Variants in AHNAK observed in about 807,000 individuals in gnomAD.
AHNAK encodes the protein neuroblast differentiation-associated protein AHNAK.
AHNAK carries 23 observed loss-of-function variants against 37.8 expected under a neutral mutation model. The observed-to-expected ratio is 0.61, with a 90% CI of 0.44 to 0.86. The LOEUF (loss-of-function observed/expected upper bound fraction) is 0.86, where lower values mean the gene tolerates loss of function less well. AHNAK is among the 40% of genes least tolerant of loss of function. AHNAK has a pLI of 0.00. For missense variants in AHNAK, 7,411 were observed against 7,319.4 expected (o/e 1.01, Z -0.46); for synonymous variants, 2,481 against 2,636.3 (o/e 0.94, Z 1.80).
intron 4 of AHNAK, among the ~76,000 whole-genome samples, chr11:62,493,183 T>C (rs1939535197): frequency 6.8e-6 from 1 of 146,928 alleles, no homozygotes; most frequent in Non-Finnish European, 1.5e-5. Flanking sequence ...CAGCTAATTT[T>C]TAGTATTTTT....
chr11:62,522,215 A>G lies in AHNAK; in HGVS notation c.12202T>C (p.Phe4068Leu), dbSNP rs1320170542. 3.1e-6 allele frequency: 5 copies of G among 1,610,426 alleles called. No individual in the cohort carries two copies. The South Asian group carries it at 5.5e-5, about 18-fold the overall frequency. The change falls in exon 5 of 5, where the codon TTC becomes CTC. Residue 4068 changes from phenylalanine to leucine, a missense_variant. By Grantham distance (22) the Phe-to-Leu change is conservative. Transcript: ENST00000378024. ...TCTCCTTTAAATCCTGGCATGCTGA[A>G]TTTGGGCATTTTCACCTTGGGCATC... is the stretch of plus-strand genomic sequence containing the variant. ...LKMPKVKMPK[F>L]SMPGFKGEGP... is the part of the protein sequence containing the mutation.
chr11:62,516,029 T>C lies in AHNAK; in HGVS notation c.*715A>G. The C allele has an allele frequency of 8.5e-7, 1 of 1,180,448 alleles. No homozygotes were observed. The highest frequency in any genetic ancestry group is 1.6e-5 in the South Asian group (1 of 61,916). 73.1% of individuals were successfully genotyped at this position (1,180,448 alleles called of 1,614,324 possible). A position where few individuals can be genotyped will look rare whatever the true frequency, so the allele number is the denominator to read the frequency against. On this transcript the variant is annotated 3_prime_UTR_variant, in exon 5 of 5. Transcript: ENST00000378024. ...ACATTTGTTAAAAAGAAATCAGAAC[T>C]AATATCAGGAACATGGCGGCATGAA...
At chr11:62,538,688 A>G (rs1307627573) in intron 1 of AHNAK, among the ~76,000 whole-genome samples, 1 of 152,254 alleles carries the variant, frequency 6.6e-6, no homozygotes, top group African/African-American at 2.4e-5. Flanking sequence ...GTGACCTCAC[A>G]TCACTCACGC....
intron 5 of AHNAK, among the ~76,000 whole-genome samples, chr11:62,483,057 GAAGCAC>G (rs1939307905): frequency 6.6e-6 from 1 of 152,202 alleles, no homozygotes; most frequent in Non-Finnish European, 1.5e-5. Context: ...TTCACACCAA[GAAGCAC>G]TGCCTGGAGA....
chr11:62,539,618 C>A (rs183882780), intron 1 of AHNAK, among the ~76,000 whole-genome samples: 197 of 152,360 alleles, frequency 1.3e-3, no homozygotes, highest in Non-Finnish European at 2.4e-3. Context: ...CAGGCAGAGT[C>A]CCAGGGCAGA....
chr11:62,489,446 G>A (rs758453648), intron 5 of AHNAK, among the ~76,000 whole-genome samples: 1 of 152,174 alleles, frequency 6.6e-6, no homozygotes, highest in East Asian at 1.9e-4. Context: ...TCAAGGAGGG[G>A]AGTAACATGA....
At chr11:62,541,636 G>GCTCTGAT (rs1172366304) in intron 1 of AHNAK, among the ~76,000 whole-genome samples, 1 of 152,194 alleles carries the variant, frequency 6.6e-6, no homozygotes, top group African/African-American at 2.4e-5. Flanking sequence ...TCTGCAGAGC[G>GCTCTGAT]CTCTGATGTG....
intron 5 of AHNAK, among the ~76,000 whole-genome samples, chr11:62,448,815 A>G (rs1035913450): frequency 1.3e-5 from 2 of 152,336 alleles, no homozygotes; most frequent in African/African-American, 4.8e-5. Context: ...CACGCCTATA[A>G]TCCCAGCACT....
At chr11:62,502,426 A>G (rs1327590930) in intron 4 of AHNAK, among the ~76,000 whole-genome samples, 1 of 152,220 alleles carries the variant, frequency 6.6e-6, no homozygotes, top group African/African-American at 2.4e-5. Context: ...TCAAGAAACT[A>G]AACAGTAATT....
chr11:62,462,340 TG>T (rs1938810980), intron 5 of AHNAK, among the ~76,000 whole-genome samples: 1 of 152,066 alleles, frequency 6.6e-6, no homozygotes, highest in Non-Finnish European at 1.5e-5. Context: ...CCACACCCAG[TG>T]GATCAGCAGT....
intron 2 of AHNAK, 164 bp from the exon 3 acceptor site, chr11:62,536,262 G>A: frequency 1.5e-6 from 1 of 646,470 alleles, no homozygotes. Context: ...TGTTGGGGGT[G>A]GGGTAATTCG....
In AHNAK at chr11:62,525,799, C is replaced by A. The variant is rs756258631; in HGVS notation, c.8618G>T (p.Gly2873Val). 3 of 1,613,636 alleles carry A rather than the reference C, an allele frequency of 1.9e-6. No individual in the cohort carries two copies. Among genetic ancestry groups the A allele is most frequent in the African/African-American group, 2.7e-5 (2 of 74,774 alleles). ...DLKGPEVDLK[G>V]PKVDIDVPDV... ...TGGGACATCAATGTCCACTTTGGGG[C>A]CTTTGAGGTCAACTTCAGGACCTTT... is the stretch of plus-strand genomic sequence containing the variant. The change falls in exon 5 of 5, where the codon GGC (glycine) becomes GTC (valine). Residue 2873 changes from glycine (G) to valine (V), a missense_variant. Transcript: ENST00000378024.
chr11:62,443,561 C>A (rs193195297), intron 5 of AHNAK, among the ~76,000 whole-genome samples: 4 of 152,076 alleles, frequency 2.6e-5, no homozygotes, highest in Non-Finnish European at 4.4e-5. Context: ...CTTGAGCCAC[C>A]GCGCCCGGCT....
chr11:62,451,142 A>G (rs1308137421), intron 5 of AHNAK, among the ~76,000 whole-genome samples: 1 of 149,942 alleles, frequency 6.7e-6, no homozygotes, highest in African/African-American at 2.4e-5. Flanking sequence ...GTGCAGTGGT[A>G]CAATCTCAGC....
At chr11:62,486,667 C>T (rs1939402886) in intron 5 of AHNAK, among the ~76,000 whole-genome samples, 2 of 151,938 alleles carry the variant, frequency 1.3e-5, no homozygotes, top group Non-Finnish European at 2.9e-5. Flanking sequence ...GAGATGGTTC[C>T]ACCGTAATGT....
chr11:62,503,157 T>A (rs1939742800), intron 4 of AHNAK, among the ~76,000 whole-genome samples: 1 of 152,166 alleles, frequency 6.6e-6, no homozygotes, highest in African/African-American at 2.4e-5. Flanking sequence ...ACGCCCTGAC[T>A]CCCATGTTTT....
chr11:62,470,200 C>T (rs1218166828), intron 5 of AHNAK, among the ~76,000 whole-genome samples: 1 of 152,206 alleles, frequency 6.6e-6, no homozygotes, highest in African/African-American at 2.4e-5. Flanking sequence ...GTAATCCCAG[C>T]ACTTTGGGAA....
At position 62,526,325 on chromosome 11, in the gene AHNAK, G is replaced by A; in HGVS notation, c.8092C>T (p.Pro2698Ser). The change falls in exon 5 of 5, where the codon CCA becomes TCA. Residue 2698 changes from proline to serine, a missense_variant. Transcript: ENST00000378024. ...TTGGGGGCTTTGATATTCATCTCTGGCATCTTGAACTTAGGCCCTTTCAAC... is the reference window on the plus strand; with the variant it reads ...TTGGGGGCTTTGATATTCATCTCTGACATCTTGAACTTAGGCCCTTTCAAC... ...GKLKGPKFKM[P>S]EMNIKAPKIS... 1.9e-6 allele frequency: 3 copies of A among 1,613,228 alleles called. No individual in the cohort carries two copies. The highest frequency in any genetic ancestry group is 2.5e-6 in the Non-Finnish European group (3 of 1,179,804).
At position 62,531,275 on chromosome 11, in the gene AHNAK, C is replaced by T. The variant is rs1291660962; in HGVS notation, c.3142G>A (p.Gly1048Arg). 1 of 1,613,578 alleles carries T rather than the reference C, an allele frequency of 6.2e-7. No individual in the cohort carries two copies. The highest frequency in any genetic ancestry group is 8.5e-7 in the Non-Finnish European group (1 of 1,179,762). ...APDLSLEGPE[G>R]KLKGPKFKMP... ...TTAAACTTCGGGCCTTTCAACTTCC[C>T]TTCAGGTCCTTCAAGGCTCAGATCT... The change falls in exon 5 of 5, where the codon GGG becomes AGG. Residue 1048 changes from glycine (G) to arginine (R), a missense_variant. Coordinates refer to ENST00000378024, the MANE Select transcript of AHNAK (RefSeq NM_001620.3).
Sources: gnomAD v4.1 joint callset for allele counts (sites outside exome capture counted in the v4.1 genomes callset) on GRCh38, gnomAD v4.1.1 for gene constraint, MANE v1.5 for transcripts, NCBI Gene and HGNC (gene_info 2026-07-23, HGNC 2026-07-21) for gene names.